Variants in GTF2E1 observed in about 807,000 individuals in gnomAD.
GTF2E1 encodes the protein TFIIE alpha subunit.
A neutral mutation model predicts 34.9 loss-of-function variants in GTF2E1; 14 were observed. The observed-to-expected ratio is 0.40, with a 90% confidence interval of 0.27 to 0.63. The LOEUF is 0.63. Ranked by LOEUF, GTF2E1 falls within the 20% of genes least tolerant of loss-of-function variation. The pLI is 0.39. For synonymous variants in GTF2E1, 188 were observed against 192.9 expected (o/e 0.97, Z 0.21); for missense variants, 469 against 557.7 (o/e 0.84, Z 1.60).
Position 120,768,200 on chromosome 3 carries a change from G to A in GTF2E1, c.449-2528G>A, listed in dbSNP as rs1205026952. Among the ~76,000 whole-genome samples the A allele has an allele frequency of 2.0e-5, 3 of 152,168 alleles. 1 individual carries two copies. Among genetic ancestry groups the A allele is most frequent in the South Asian group, 4.1e-4 (2 of 4,834 alleles). Reference sequence around the variant, plus strand: ...TGAAAGAGGATACGATTGTTTGGGTGGACAAGACAGTTGAAATTTTAGATA... The same window carrying A: ...TGAAAGAGGATACGATTGTTTGGGTAGACAAGACAGTTGAAATTTTAGATA... On this transcript the variant is annotated intron_variant, in intron 2 of 4. Transcript: ENST00000283875.
At chr3:120,768,863 T>C (rs1025478589) in intron 2 of GTF2E1, among the ~76,000 whole-genome samples, 2 of 152,206 alleles carry the variant, frequency 1.3e-5, no homozygotes, top group African/African-American at 4.8e-5. Flanking sequence ...TGTTACCAAA[T>C]ATAAAAGCTA....
chr3:120,749,009 A>G (rs1008695283), intron 1 of GTF2E1, among the ~76,000 whole-genome samples: 6 of 152,186 alleles, frequency 3.9e-5, no homozygotes, highest in African/African-American at 9.7e-5. Context: ...TTCTCTTTGA[A>G]GCAATTGTGA....
intron 2 of GTF2E1, among the ~76,000 whole-genome samples, chr3:120,760,905 A>G (rs1195690353): frequency 2.6e-5 from 4 of 152,012 alleles, no homozygotes; most frequent in African/African-American, 4.8e-5. Context: ...TTGTGTCTCT[A>G]CCAGGCTTTG....
At chr3:120,751,180 C>T (rs542883097) in intron 2 of GTF2E1, 180 bp downstream of exon 2, 2 of 531,098 alleles carry the variant, frequency 3.8e-6, no homozygotes, top group Non-Finnish European at 6.6e-6. Context: ...CTTTGAGAAG[C>T]CTTTGCAAAG....
intron 1 of GTF2E1, among the ~76,000 whole-genome samples, chr3:120,746,811 A>C: frequency 6.6e-6 from 1 of 152,288 alleles, no homozygotes; most frequent in East Asian, 1.9e-4. Flanking sequence ...GAAAAGAAAA[A>C]CAAATTCCCT....
intron 3 of GTF2E1, among the ~76,000 whole-genome samples, chr3:120,774,964 T>C (rs1709386050): frequency 6.6e-6 from 1 of 152,070 alleles, no homozygotes; most frequent in South Asian, 2.1e-4. Flanking sequence ...CATGGCCCTA[T>C]AGATATCCAG....
intron 3 of GTF2E1, among the ~76,000 whole-genome samples, chr3:120,774,429 C>A (rs1709381482): frequency 6.6e-6 from 1 of 152,046 alleles, no homozygotes; most frequent in Non-Finnish European, 1.5e-5. Context: ...ACAAAGTAAG[C>A]AGCATCATAT....
intron 1 of GTF2E1, among the ~76,000 whole-genome samples, chr3:120,746,070 C>A (rs1421372414): frequency 4.6e-5 from 7 of 151,974 alleles, no homozygotes; most frequent in Non-Finnish European, 8.8e-5. Flanking sequence ...TATTTTCCCC[C>A]CAAAATATAT....
intron 4 of GTF2E1, among the ~76,000 whole-genome samples, chr3:120,777,537 G>A (rs917042114): frequency 1.5e-4 from 23 of 152,104 alleles, no homozygotes; most frequent in African/African-American, 5.6e-4. Flanking sequence ...GTTTCTCCTA[G>A]CCTCTTTTCC....
At chr3:120,756,346 A>G (rs1180683262) in intron 2 of GTF2E1, among the ~76,000 whole-genome samples, 1 of 152,102 alleles carries the variant, frequency 6.6e-6, no homozygotes, top group Non-Finnish European at 1.5e-5. Context: ...AAACACAAAA[A>G]GAAATCTTTC....
intron 4 of GTF2E1, among the ~76,000 whole-genome samples, chr3:120,779,650 G>T (rs557589409): frequency 1.3e-4 from 20 of 152,306 alleles, no homozygotes; most frequent in African/African-American, 4.8e-4. Context: ...AGTCAGAATT[G>T]ACCATTTCTG....
intron 3 of GTF2E1, 69 bp downstream of exon 3, chr3:120,770,998 T>C (rs1709346403): frequency 7.9e-7 from 1 of 1,269,946 alleles, no homozygotes; most frequent in Non-Finnish European, 1.2e-6. Flanking sequence ...TACCTGTACC[T>C]TGGAGAACAA....
chr3:120,749,877 G>A (rs907739815), intron 1 of GTF2E1: 1 of 152,134 alleles, frequency 6.6e-6, no homozygotes, highest in Admixed American at 6.6e-5. Flanking sequence ...ATTTTGGGCT[G>A]CTCTCCCTCC....
chr3:120,743,835 G>A (rs960753544), intron 1 of GTF2E1, among the ~76,000 whole-genome samples: 6 of 152,204 alleles, frequency 3.9e-5, no homozygotes, highest in Non-Finnish European at 8.8e-5. Flanking sequence ...GGTAGACAGA[G>A]GGCAGAGGGT....
rs1576357958 is a variant in GTF2E1 at position 120,757,662 on chromosome 3, A to C, written c.448+6662A>C. On this transcript the variant is annotated intron_variant, in intron 2 of 4. Transcript: ENST00000283875. ...AAAATAAAGTTTAGGAATGAGACTA[A>C]AAGGTGACTTTTTGAGACTTCAAAA... is the stretch of plus-strand genomic sequence containing the variant. Among the ~76,000 whole-genome samples the C allele has an allele frequency of 3.3e-5, 5 of 152,350 alleles. No homozygotes were observed. In the South Asian group the frequency reaches 1.0e-3, roughly 32 times the overall value.
intron 2 of GTF2E1, among the ~76,000 whole-genome samples, chr3:120,766,605 T>C (rs1709311347): frequency 1.3e-5 from 2 of 152,110 alleles, no homozygotes; most frequent in African/African-American, 2.4e-5. Context: ...TCATCTTTTA[T>C]CTTCTAAACT....
intron 1 of GTF2E1, among the ~76,000 whole-genome samples, chr3:120,745,003 T>G (rs1187580665): frequency 2.6e-5 from 4 of 152,118 alleles, no homozygotes; most frequent in Non-Finnish European, 5.9e-5. Context: ...ATTGCAGCCT[T>G]GACCTCCTGG....
rs1709156670 is a variant in GTF2E1 at position 120,750,599 on chromosome 3, G to A, written c.47G>A (p.Arg16Gln). 8 of 1,613,836 alleles carry A rather than the reference G, an allele frequency of 5.0e-6. No individual in the cohort carries two copies. The highest frequency in any genetic ancestry group is 6.8e-6 in the Non-Finnish European group (8 of 1,179,840). The change falls in exon 2 of 5, where the codon CGG (arginine) becomes CAG (glutamine). Residue 16 changes from arginine (R) to glutamine (Q), a missense_variant. Arg to Gln is a conservative substitution (Grantham distance 43). Coordinates refer to ENST00000283875, the MANE Select transcript of GTF2E1 (RefSeq NM_005513.3). Reference protein sequence around the residue: ...VLTEVPAALKRLAKYVIRGFY... With the variant: ...VLTEVPAALKQLAKYVIRGFY... ...ACTGAAGTTCCAGCAGCATTGAAGC[G>A]GTTAGCCAAGTATGTGATCCGGGGA...
chr3:120,775,995 TTGAGC>T (rs1709395566), intron 3 of GTF2E1, among the ~76,000 whole-genome samples: 1 of 152,198 alleles, frequency 6.6e-6, no homozygotes. Context: ...TTGTTCTGGG[TTGAGC>T]TGAGATAACA....
Sources: gnomAD v4.1 joint callset for allele counts (sites outside exome capture counted in the v4.1 genomes callset) on GRCh38, gnomAD v4.1.1 for gene constraint, MANE v1.5 for transcripts, NCBI Gene and HGNC (gene_info 2026-07-23, HGNC 2026-07-21) for gene names.